Variants in ANKRD31 observed in about 807,000 individuals in gnomAD.
ANKRD31 encodes ankyrin repeat domain-containing protein 31.
Under a neutral mutation model 186.0 loss-of-function variants are expected in ANKRD31, and 147 were observed. That is an observed-to-expected ratio of 0.79 (90% CI 0.69 to 0.91). The LOEUF (loss-of-function observed/expected upper bound fraction) is 0.91. ANKRD31 is among the 40% of genes least tolerant of loss of function. ANKRD31 has a pLI of 0.00. For synonymous variants in ANKRD31, 673 were observed against 736.4 expected (o/e 0.91, Z 1.39); for missense variants, 1,986 against 2,148.8 (o/e 0.92, Z 1.50).
chr5:75,072,716 C>T (rs1483659553), intron 25 of ANKRD31, among the ~76,000 whole-genome samples: 1 of 152,084 alleles, frequency 6.6e-6, no homozygotes, highest in African/African-American at 2.4e-5. Context: ...TTTGGAGGCA[C>T]AGAGAGATCA....
At chr5:75,108,904 T>C (rs1019774899) in intron 20 of ANKRD31, among the ~76,000 whole-genome samples, 48 of 152,176 alleles carry the variant, frequency 3.2e-4, no homozygotes, top group African/African-American at 1.1e-3. Context: ...TTTTAAACCA[T>C]AGGTAAAAAT....
chr5:75,215,834 C>A (rs192541706), intron 3 of ANKRD31, among the ~76,000 whole-genome samples: 231 of 151,324 alleles, frequency 1.5e-3, no homozygotes, highest in African/African-American at 4.9e-3. Flanking sequence ...AAAAAAAAAA[C>A]TCTGAGAAAG....
chr5:75,157,171 T>C (rs1487546470), intron 11 of ANKRD31, among the ~76,000 whole-genome samples: 1 of 152,054 alleles, frequency 6.6e-6, no homozygotes, highest in African/African-American at 2.4e-5. Flanking sequence ...AACACAATGT[T>C]GGTGAAAAAA....
At chr5:75,203,741 T>C (rs1171348077) in intron 5 of ANKRD31, among the ~76,000 whole-genome samples, 1 of 151,762 alleles carries the variant, frequency 6.6e-6, no homozygotes, top group Non-Finnish European at 1.5e-5. Context: ...GGCATGATAT[T>C]ATCCATGACA....
chr5:75,183,592 A>G (rs561916349), intron 10 of ANKRD31, among the ~76,000 whole-genome samples: 1 of 152,268 alleles, frequency 6.6e-6, no homozygotes, highest in African/African-American at 2.4e-5. Flanking sequence ...AACATACAGA[A>G]AGCAGTGTTT....
rs374523781 is a variant in ANKRD31 at position 75,167,139 on chromosome 5, C to T, written c.1707+1840G>A. 3.2e-4 allele frequency among the ~76,000 whole-genome samples: 49 copies of T among 151,918 alleles called. 1 individual carries two copies. The East Asian group carries it at 4.3e-3, about 13-fold the overall frequency. The stretch of plus-strand genomic sequence containing the variant: ...TCTGTCTCTATAGATTTGACTATTA[C>T]GGATATTTCAAATTAATGGAATGGT... On this transcript the variant is annotated intron_variant, in intron 11 of 25. Transcript: ENST00000506364.
intron 17 of ANKRD31, among the ~76,000 whole-genome samples, chr5:75,127,610 A>G (rs1580377513): frequency 6.6e-6 from 1 of 152,334 alleles, no homozygotes; most frequent in East Asian, 1.9e-4. Flanking sequence ...TGTCTCAGCT[A>G]TTTTAAGCTA....
intron 10 of ANKRD31, among the ~76,000 whole-genome samples, chr5:75,172,587 C>T (rs1200389558): frequency 1.3e-5 from 2 of 152,054 alleles, no homozygotes; most frequent in African/African-American, 2.4e-5. Context: ...ACACAAACTG[C>T]CATCAGAGAA....
At chr5:75,141,619 CAG>C (rs1450885192) in intron 15 of ANKRD31, among the ~76,000 whole-genome samples, 1 of 151,908 alleles carries the variant, frequency 6.6e-6, no homozygotes, top group East Asian at 1.9e-4. Flanking sequence ...GCCTGGGTGA[CAG>C]AGCGAGACTC....
Position 75,138,008 on chromosome 5 carries a change from G to GAA in ANKRD31, c.3734-12_3734-11dup. 9 of 1,299,298 alleles carry GAA rather than the reference G, an allele frequency of 6.9e-6. No individual in the cohort carries two copies. Among genetic ancestry groups the GAA allele is most frequent in the South Asian group, 6.6e-5 (3 of 45,238 alleles). 80.5% of individuals were successfully genotyped at this position (1,299,298 alleles called of 1,614,324 possible). A position where few individuals can be genotyped will look rare whatever the true frequency, so the allele number is the denominator to read the frequency against. On this transcript the variant is annotated splice_polypyrimidine_tract_variant and intron_variant, in intron 16 of 25. Transcript: ENST00000506364. ...TGAAGTGGTGTCCAACCTAAAAAAAGAAAAAGAAAAAAAAAAACCCTGCTT... is the reference window on the plus strand; with the variant it reads ...TGAAGTGGTGTCCAACCTAAAAAAAGAAAAAAAGAAAAAAAAAAACCCTGCTT...
chr5:75,117,014 T>G (rs115574080), intron 18 of ANKRD31, among the ~76,000 whole-genome samples: 1,770 of 152,316 alleles, frequency 0.012, 9 homozygotes, highest in Non-Finnish European at 0.019. Context: ...CAGTTAGAAC[T>G]GAAACCAGAT....
chr5:75,120,201 C>A (rs1325131059), intron 17 of ANKRD31, among the ~76,000 whole-genome samples: 5 of 152,048 alleles, frequency 3.3e-5, no homozygotes, highest in African/African-American at 1.2e-4. Flanking sequence ...TCGAGACCAG[C>A]CTGTGCAACA....
chr5:75,166,564 T>A (rs79964897), intron 11 of ANKRD31, among the ~76,000 whole-genome samples: 1 of 152,196 alleles, frequency 6.6e-6, no homozygotes, highest in African/African-American at 2.4e-5. Flanking sequence ...TTTCAATATA[T>A]GTGAATCCCC....
intron 20 of ANKRD31, among the ~76,000 whole-genome samples, chr5:75,108,378 G>A (rs1465692058): frequency 1.3e-5 from 2 of 151,858 alleles, no homozygotes; most frequent in Non-Finnish European, 2.9e-5. Flanking sequence ...CCAAGTAAAG[G>A]CATAATGACC....
intron 5 of ANKRD31, among the ~76,000 whole-genome samples, chr5:75,201,204 T>C (rs1263986214): frequency 6.6e-6 from 1 of 152,190 alleles, no homozygotes; most frequent in Non-Finnish European, 1.5e-5. Flanking sequence ...GCTTCATCTT[T>C]GCAATTTAAT....
At chr5:75,182,676 G>A (rs1024902196) in intron 10 of ANKRD31, among the ~76,000 whole-genome samples, 10 of 150,688 alleles carry the variant, frequency 6.6e-5, no homozygotes, top group Non-Finnish European at 1.0e-4. Context: ...CCGAGATAGC[G>A]CCATTGCACT....
chr5:75,173,763 C>G (rs999371175), intron 10 of ANKRD31, among the ~76,000 whole-genome samples: 2 of 152,186 alleles, frequency 1.3e-5, no homozygotes, highest in Non-Finnish European at 2.9e-5. Context: ...ATTCCATGCT[C>G]ATGGATACGA....
chr5:75,143,110 C>T (rs1006869493), intron 15 of ANKRD31, among the ~76,000 whole-genome samples: 5 of 152,132 alleles, frequency 3.3e-5, no homozygotes, highest in Admixed American at 1.3e-4. Context: ...CATTGCTTGG[C>T]TTCCTTGGCT....
chr5:75,081,326 T>C (rs2150013562), intron 24 of ANKRD31, among the ~76,000 whole-genome samples: 1 of 152,206 alleles, frequency 6.6e-6, no homozygotes, highest in East Asian at 1.9e-4. Flanking sequence ...TGGAGTCCAA[T>C]GGCGCAGTAA....
Sources: gnomAD v4.1 joint callset for allele counts (sites outside exome capture counted in the v4.1 genomes callset) on GRCh38, gnomAD v4.1.1 for gene constraint, MANE v1.5 for transcripts, NCBI Gene and HGNC (gene_info 2026-07-23, HGNC 2026-07-21) for gene names.